PTPRM: variants seen among roughly 807,000 people sequenced by gnomAD.
PTPRM encodes the protein protein tyrosine phosphatase receptor type M.
PTPRM carries 47 observed loss-of-function variants against 186.7 expected under a neutral mutation model. The ratio of observed to expected loss-of-function variants is 0.25; its 90% CI spans 0.20 to 0.32. The LOEUF is 0.32. Ranked by LOEUF, PTPRM falls within the 10% of genes least tolerant of loss-of-function variation. The pLI is 1.00. For missense variants in PTPRM, 1,494 were observed against 1,865.0 expected (o/e 0.80, Z 3.66); for synonymous variants, 668 against 674.9 (o/e 0.99, Z 0.16).
At chr18:7,749,108 G>C (rs1044866675) in intron 1 of PTPRM, 1 of 152,164 alleles carries the variant, frequency 6.6e-6, no homozygotes, top group Non-Finnish European at 1.5e-5. Context: ...TGCCTTTGGA[G>C]TTACTTGCCC....
intron 23 of PTPRM, among the ~76,000 whole-genome samples, chr18:8,352,395 G>C (rs1387920742): frequency 3.3e-5 from 5 of 152,172 alleles, no homozygotes; most frequent in Non-Finnish European, 5.9e-5. Flanking sequence ...CAACCAAACA[G>C]TGAACATAGT....
At chr18:7,822,014 C>A (rs377309288) in intron 2 of PTPRM, among the ~76,000 whole-genome samples, 17 of 152,198 alleles carry the variant, frequency 1.1e-4, no homozygotes, top group Non-Finnish European at 2.5e-4. Flanking sequence ...TGAGGGAGGA[C>A]TACTATATTG....
At chr18:8,093,172 C>T (rs950922978) in intron 11 of PTPRM, among the ~76,000 whole-genome samples, 1 of 151,692 alleles carries the variant, frequency 6.6e-6, no homozygotes, top group Non-Finnish European at 1.5e-5. Flanking sequence ...TCTCACTGTC[C>T]GTAAGTCCAA....
intron 1 of PTPRM, among the ~76,000 whole-genome samples, chr18:7,699,054 C>T (rs1421675305): frequency 1.3e-5 from 2 of 152,184 alleles, no homozygotes; most frequent in African/African-American, 2.4e-5. Context: ...TGTCTGAGCT[C>T]CGCCTCCTGT....
At chr18:8,373,330 A>T (rs1453236181) in intron 24 of PTPRM, among the ~76,000 whole-genome samples, 1 of 152,202 alleles carries the variant, frequency 6.6e-6, no homozygotes, top group African/African-American at 2.4e-5. Context: ...GCTCTGCAAA[A>T]CAAGCAGATG....
intron 14 of PTPRM, among the ~76,000 whole-genome samples, chr18:8,181,458 T>G (rs1251447098): frequency 1.3e-5 from 2 of 152,172 alleles, no homozygotes; most frequent in Non-Finnish European, 2.9e-5. Context: ...AGAGCCTCAC[T>G]GGAAGCCTGT....
At chr18:8,112,202 C>T (rs534075498) in intron 11 of PTPRM, among the ~76,000 whole-genome samples, 1 of 152,340 alleles carries the variant, frequency 6.6e-6, no homozygotes, top group South Asian at 2.1e-4. Context: ...ACAGAGAAAT[C>T]AGTCTGATAT....
chr18:7,790,316 C>G (rs2043278965), intron 2 of PTPRM, among the ~76,000 whole-genome samples: 1 of 152,196 alleles, frequency 6.6e-6, no homozygotes, highest in African/African-American at 2.4e-5. Flanking sequence ...ATCCTCTGAG[C>G]TCCAGGGGAG....
At chr18:7,972,575 T>C (rs1486474959) in intron 7 of PTPRM, among the ~76,000 whole-genome samples, 1 of 144,280 alleles carries the variant, frequency 6.9e-6, no homozygotes, top group African/African-American at 2.6e-5. Flanking sequence ...TTTGAAAAAA[T>C]ATACATATTA....
intron 14 of PTPRM, among the ~76,000 whole-genome samples, chr18:8,225,621 T>A (rs911036562): frequency 1.3e-5 from 2 of 152,192 alleles, no homozygotes; most frequent in Non-Finnish European, 2.9e-5. Context: ...ACTTTCACCA[T>A]CGGTAGCCCT....
intron 14 of PTPRM, among the ~76,000 whole-genome samples, chr18:8,215,234 A>T (rs1260186472): frequency 1.3e-5 from 2 of 152,184 alleles, no homozygotes; most frequent in Non-Finnish European, 2.9e-5. Context: ...GTGAAGCACC[A>T]CATAAACAGT....
At chr18:7,689,717 T>G (rs1598379191) in intron 1 of PTPRM, among the ~76,000 whole-genome samples, 1 of 152,350 alleles carries the variant, frequency 6.6e-6, no homozygotes, top group South Asian at 2.1e-4. Context: ...ATTGCTCCAT[T>G]AATGGACTTT....
At chr18:7,784,466 T>A (rs1345215985) in intron 2 of PTPRM, among the ~76,000 whole-genome samples, 1 of 152,152 alleles carries the variant, frequency 6.6e-6, no homozygotes, top group Non-Finnish European at 1.5e-5. Context: ...CTCCTAAAAC[T>A]CCTTTTATCC....
At chr18:7,800,589 A>G (rs1683150379) in intron 2 of PTPRM, among the ~76,000 whole-genome samples, 1 of 152,254 alleles carries the variant, frequency 6.6e-6, no homozygotes, top group Non-Finnish European at 1.5e-5. Flanking sequence ...GACAAATCAA[A>G]TAATTGAATA....
intron 2 of PTPRM, among the ~76,000 whole-genome samples, chr18:7,830,951 TC>T (rs1161679466): frequency 6.6e-6 from 1 of 152,194 alleles, no homozygotes; most frequent in Non-Finnish European, 1.5e-5. Context: ...ATGGAGTTTG[TC>T]TTGAATTGCT....
At chr18:7,674,954 C>T (rs563991293) in intron 1 of PTPRM, among the ~76,000 whole-genome samples, 32 of 152,146 alleles carry the variant, frequency 2.1e-4, no homozygotes, top group Admixed American at 1.4e-3. Context: ...CTAATTTAGG[C>T]GCCGACTCTT....
chr18:8,325,121 T>C (rs1356491349), intron 22 of PTPRM, among the ~76,000 whole-genome samples: 1 of 152,230 alleles, frequency 6.6e-6, no homozygotes, highest in Non-Finnish European at 1.5e-5. Flanking sequence ...GTGCTCATCA[T>C]AAATGAAGAT....
intron 29 of PTPRM, among the ~76,000 whole-genome samples, chr18:8,382,592 TTAAAAA>T (rs1045253694): frequency 1.3e-5 from 2 of 152,212 alleles, no homozygotes; most frequent in African/African-American, 2.4e-5. Flanking sequence ...GAAGCATTAT[TTAAAAA>T]TAAATAAATG....
At chr18:7,614,563 T>TA (rs1335911684) in intron 1 of PTPRM, among the ~76,000 whole-genome samples, 6 of 152,220 alleles carry the variant, frequency 3.9e-5, no homozygotes, top group African/African-American at 1.4e-4. Context: ...TCTTTTTCTT[T>TA]AGAGAAAATT....
Sources: allele counts gnomAD v4.1 joint callset (sites outside exome capture counted in the v4.1 genomes callset), GRCh38; gene constraint gnomAD v4.1.1; transcripts MANE v1.5; gene names NCBI Gene and HGNC (gene_info 2026-07-23, HGNC 2026-07-21).